The following CLK4 variants were observed in gnomAD, a reference collection of about 807,000 sequenced individuals.
CLK4 encodes the protein CDC like kinase 4.
A neutral mutation model predicts 64.4 loss-of-function variants in CLK4; 37 were observed. The ratio of observed to expected loss-of-function variants is 0.57; its 90% CI spans 0.44 to 0.76. The LOEUF is 0.76. Ranked by LOEUF, CLK4 falls within the 30% of genes least tolerant of loss-of-function variation. CLK4 has a pLI of 0.00. For synonymous variants in CLK4, 175 were observed against 191.6 expected, an observed-to-expected ratio of 0.91 and a Z score of 0.72; for missense variants, 457 against 605.1, an observed-to-expected ratio of 0.76 and a Z score of 2.57.
intron 9 of CLK4, among the ~76,000 whole-genome samples, chr5:178,610,380 C>G (rs1031265738): frequency 6.6e-6 from 1 of 152,146 alleles, no homozygotes; most frequent in African/African-American, 2.4e-5. Context: ...GTACACCATT[C>G]TAAATCATCT....
At chr5:178,613,700 T>C in intron 6 of CLK4, 27 bp downstream of exon 6, 2 of 1,606,958 alleles carry the variant, frequency 1.2e-6, no homozygotes. Context: ...TGTAATATGA[T>C]GGCTCCTAGG....
rs529922250 is a variant in CLK4, at chr5:178,624,458, A to G, written c.1-1042T>C. The stretch of plus-strand genomic sequence containing the variant: ...AAGAACTCAACCTACAAGGATGCAC[A>G]CTGAAGCATGGTCACAGTGAAAGCA... On this transcript the variant is annotated intron_variant, in intron 1 of 12. Coordinates refer to ENST00000316308, the MANE Select transcript of CLK4 (RefSeq NM_020666.3). Among the ~76,000 whole-genome samples, 60 of 152,350 alleles carry G rather than the reference A, an allele frequency of 3.9e-4. 1 individual carries two copies. Among genetic ancestry groups the G allele is most frequent in the African/African-American group, 1.3e-3 (56 of 41,576 alleles).
At position 178,623,342 on chromosome 5, in the gene CLK4, T is replaced by C. The variant is rs755634721; in HGVS notation, c.75A>G (p.Gly25=). 15 of 1,614,106 alleles carry C rather than the reference T, an allele frequency of 9.3e-6. No individual in the cohort carries two copies. The highest frequency in any genetic ancestry group is 1.3e-5 in the Non-Finnish European group (15 of 1,179,982). ...GAGATCTCCTCTTCCGCTTGTGACT[T>C]CCACGATAGCTTTCATGTCCCCAGC... The part of the protein sequence containing the change: ...RESWGHESYR[G]SHKRKRRSHS... The change falls in exon 2 of 13, where the codon GGA becomes GGG. Residue 25 remains glycine, a synonymous_variant. Coordinates refer to ENST00000316308, the MANE Select transcript of CLK4 (RefSeq NM_020666.3).
chr5:178,615,027 T>A (rs1764607517), intron 5 of CLK4, among the ~76,000 whole-genome samples: 2 of 152,210 alleles, frequency 1.3e-5, no homozygotes, highest in South Asian at 4.1e-4. Flanking sequence ...ACTGCCCCAA[T>A]AAAGGAAACA....
At position 178,623,237 on chromosome 5, in the gene CLK4, A is replaced by G. The variant is rs780602063; in HGVS notation, c.161+19T>C. The G allele has an allele frequency of 6.2e-7, 1 of 1,605,794 alleles. No individual in the cohort carries two copies. The highest frequency in any genetic ancestry group is 1.1e-5 in the South Asian group (1 of 90,380). On this transcript the variant is annotated intron_variant, in intron 2 of 12. Coordinates refer to ENST00000316308, the MANE Select transcript of CLK4 (RefSeq NM_020666.3). Reference sequence around the variant, plus strand: ...AAACTATTAGAGCTAAAATGCTAGTAGTTCAAGAGTTAATTTACCAATCAG... The same window carrying G: ...AAACTATTAGAGCTAAAATGCTAGTGGTTCAAGAGTTAATTTACCAATCAG...
chr5:178,612,543 T>C lies in CLK4; in HGVS notation c.924A>G (p.Lys308=). ...DYVVKYNSKM[K]RDERTLKNTD... ...TGTTTTTCAGTGTGCGTTCATCACGTTTCTAGAGAGACACAGTTGAGTAAA... is the reference window on the plus strand; with the variant it reads ...TGTTTTTCAGTGTGCGTTCATCACGCTTCTAGAGAGACACAGTTGAGTAAA... The change falls in exon 9 of 13, where the codon AAA becomes AAG. Residue 308 remains lysine (K), a splice_region_variant and synonymous_variant. Coordinates refer to ENST00000316308, the MANE Select transcript of CLK4 (RefSeq NM_020666.3). 1 of 1,613,784 alleles carries C rather than the reference T, an allele frequency of 6.2e-7. No homozygotes were observed. The highest frequency in any genetic ancestry group is 8.5e-7 in the Non-Finnish European group (1 of 1,179,876).
chr5:178,613,649 A>G lies in CLK4; in HGVS notation c.660-10T>C, dbSNP rs545889366. On this transcript the variant is annotated splice_polypyrimidine_tract_variant and intron_variant, in intron 6 of 12. Transcript: ENST00000316308. ...CATCTGGACACATCGGCTAAAACAGAGCAAAATAATAATTCAGTTTATGGA... is the reference window on the plus strand; with the variant it reads ...CATCTGGACACATCGGCTAAAACAGGGCAAAATAATAATTCAGTTTATGGA... The G allele has an allele frequency of 2.1e-5, 33 of 1,607,694 alleles. No individual in the cohort carries two copies. In the South Asian group the frequency reaches 3.3e-4, roughly 16 times the overall value.
In CLK4 at chr5:178,617,559, C is replaced by G. The variant is rs1270491274; in HGVS notation, c.385-125G>C. ...AGGCATTCAGATAAGCACCAGGCCA[C>G]GAACAGTTGGCAGGAGCAATTTCAA... On this transcript the variant is annotated intron_variant, in intron 3 of 12. Transcript: ENST00000316308. The surrounding 1 kb of genome is among the most constrained non-coding windows in gnomAD (Gnocchi z 5.2). 1.0e-6 allele frequency: 1 copy of G among 998,490 alleles called. No individual in the cohort carries two copies. Among genetic ancestry groups the G allele is most frequent in the Non-Finnish European group, 1.4e-6 (1 of 716,578 alleles). 61.9% of individuals were successfully genotyped at this position (998,490 alleles called of 1,614,324 possible). A position where few individuals can be genotyped will look rare whatever the true frequency, so the allele number is the denominator to read the frequency against.
At chr5:178,619,056 T>G (rs1173402820) in intron 2 of CLK4, among the ~76,000 whole-genome samples, 1 of 152,210 alleles carries the variant, frequency 6.6e-6, no homozygotes, top group Non-Finnish European at 1.5e-5. Context: ...GTTTACTTGA[T>G]TAAGTGTTCC....
At position 178,613,646 on chromosome 5, in the gene CLK4, C is replaced by G. The variant is rs1173675904; in HGVS notation, c.660-7G>C. 1 of 1,607,698 alleles carries G rather than the reference C, an allele frequency of 6.2e-7. No homozygotes were observed. Among genetic ancestry groups the G allele is most frequent in the Non-Finnish European group, 8.5e-7 (1 of 1,176,842 alleles). ...TAGCATCTGGACACATCGGCTAAAA[C>G]AGAGCAAAATAATAATTCAGTTTAT... On this transcript the variant is annotated splice_polypyrimidine_tract_variant and splice_region_variant and intron_variant, in intron 6 of 12. Transcript: ENST00000316308.
At chr5:178,609,040 G>T (rs550423709) in intron 9 of CLK4, among the ~76,000 whole-genome samples, 1 of 152,004 alleles carries the variant, frequency 6.6e-6, no homozygotes, top group South Asian at 2.1e-4. Flanking sequence ...GCTCAGAGAG[G>T]GATCTATACA....
intron 8 of CLK4, 47 bp downstream of exon 8, chr5:178,612,749 T>C (rs1562128324): frequency 8.4e-7 from 1 of 1,196,590 alleles, no homozygotes; most frequent in South Asian, 1.3e-5. Flanking sequence ...TCAAGTTAAA[T>C]TAATTTTAAA....
At chr5:178,614,124 C>A (rs1407005277) in intron 5 of CLK4, among the ~76,000 whole-genome samples, 1 of 152,122 alleles carries the variant, frequency 6.6e-6, no homozygotes, top group Non-Finnish European at 1.5e-5. Flanking sequence ...AAGATATATA[C>A]AAATGTAAAC....
intron 11 of CLK4, 21 bp downstream of exon 11, chr5:178,605,282 G>C (rs530218875): frequency 6.7e-7 from 1 of 1,493,204 alleles, no homozygotes; most frequent in South Asian, 1.3e-5. Flanking sequence ...TCCAACAAAA[G>C]TCTTGAATCT....
Position 178,612,423 on chromosome 5 carries a change from G to T in CLK4, c.1044C>A (p.Val348=). Residue 348 remains valine, a synonymous_variant, in exon 9 of 13, where the codon GTC becomes GTA. Transcript: ENST00000316308. ...VSTRHYRAPE[V]ILALGWSQPC... The stretch of plus-strand genomic sequence containing the variant: ...AGCCTGGTGTCTACTGACCCAAAAT[G>T]ACCTCGGGAGCTCTGTAGTGCCGGG... 6.2e-7 allele frequency: 1 copy of T among 1,609,156 alleles called. No individual in the cohort carries two copies. The highest frequency in any genetic ancestry group is 8.5e-7 in the Non-Finnish European group (1 of 1,177,194).
Position 178,608,522 on chromosome 5 carries a change from C to T in CLK4, c.1052-64G>A, listed in dbSNP as rs973979659. ...ACTTTTAATTGACAGTACATTAAAT[C>T]CTTCCCTATATGAGTGCTCCCTTTA... On this transcript the variant is annotated intron_variant, in intron 9 of 12. Coordinates refer to ENST00000316308, the MANE Select transcript of CLK4 (RefSeq NM_020666.3). The T allele has an allele frequency of 3.2e-6, 4 of 1,235,594 alleles. No homozygotes were observed. The African/African-American group carries it at 6.0e-5, about 19-fold the overall frequency. The allele number at this position is 1,235,594 out of a possible 1,614,324, so 76.5% of individuals were successfully genotyped here.
chr5:178,624,467 T>C (rs1356253247), intron 1 of CLK4, among the ~76,000 whole-genome samples: 58 of 152,326 alleles, frequency 3.8e-4, no homozygotes, highest in African/African-American at 2.4e-5. Flanking sequence ...CACTGAAGCA[T>C]GGTCACAGTG....
chr5:178,616,935 G>A lies in CLK4; in HGVS notation c.489C>T (p.Asp163=), dbSNP rs757669520. ...DVLRARYEIV[D]TLGEGAFGKV... ...TGCCAAAGGCTCCTTCACCCAAAGT[G>A]TCCACGATTTCATCTAGAGTGAGGA... Residue 163 remains aspartate, a synonymous_variant, in exon 5 of 13, where the codon GAC becomes GAT. Coordinates refer to ENST00000316308, the MANE Select transcript of CLK4 (RefSeq NM_020666.3). 6.2e-7 allele frequency: 1 copy of A among 1,613,134 alleles called. No homozygotes were observed. Among genetic ancestry groups the A allele is most frequent in the South Asian group, 1.1e-5 (1 of 91,062 alleles).
At chr5:178,616,367 C>A (rs1445127334) in intron 5 of CLK4, among the ~76,000 whole-genome samples, 4 of 152,106 alleles carry the variant, frequency 2.6e-5, no homozygotes, top group African/African-American at 9.7e-5. Flanking sequence ...CAAAGTGCTG[C>A]GATTACAGGA....
Sources: gnomAD v4.1 joint callset for allele counts (sites outside exome capture counted in the v4.1 genomes callset) on GRCh38, gnomAD v4.1.1 for gene constraint, Gnocchi (gnomAD v3.1) non-coding constraint, MANE v1.5 for transcripts, NCBI Gene and HGNC (gene_info 2026-07-23, HGNC 2026-07-21) for gene names.